RBFOX1: variants seen among roughly 807,000 people sequenced by gnomAD.
RBFOX1 encodes RNA binding protein fox-1 homolog 1.
RBFOX1 carries 8 observed loss-of-function variants against 57.7 expected under a neutral mutation model. The observed-to-expected ratio is 0.14, with a 90% CI of 0.08 to 0.25. The LOEUF (loss-of-function observed/expected upper bound fraction) is 0.25. Ranked by LOEUF, RBFOX1 falls within the 10% of genes least tolerant of loss-of-function variation. The probability of loss-of-function intolerance (pLI) is 1.00; values close to 1 mark genes in which losing one functional copy is unlikely to be tolerated. For synonymous variants in RBFOX1, 326 were observed against 222.4 expected, an observed-to-expected ratio of 1.47 and a Z score of -4.15; for missense variants, 611 against 548.5, an observed-to-expected ratio of 1.11 and a Z score of -1.14.
At chr16:6,917,449 G>C (rs550641722) in intron 3 of RBFOX1, among the ~76,000 whole-genome samples, 43 of 152,300 alleles carry the variant, frequency 2.8e-4, no homozygotes, top group Middle Eastern at 3.4e-3. Flanking sequence ...TGTTTCATTT[G>C]GGGAATACAT....
At chr16:6,670,243 A>T (rs1375458203) in intron 3 of RBFOX1, among the ~76,000 whole-genome samples, 3 of 151,068 alleles carry the variant, frequency 2.0e-5, no homozygotes, top group Admixed American at 6.6e-5. Flanking sequence ...TTTTTTTTTT[A>T]ATTTTTGTAG....
intron 4 of RBFOX1, among the ~76,000 whole-genome samples, chr16:7,104,775 A>T (rs1291303723): frequency 6.6e-6 from 1 of 152,132 alleles, no homozygotes; most frequent in African/African-American, 2.4e-5. Flanking sequence ...GTATTGCTCT[A>T]CCTTTTTTGT....
chr16:6,422,469 T>TA (rs1380778215), intron 2 of RBFOX1, among the ~76,000 whole-genome samples: 1 of 152,036 alleles, frequency 6.6e-6, no homozygotes, highest in African/African-American at 2.4e-5. Flanking sequence ...TCACTTGTAT[T>TA]AGTCCATTCT....
At position 6,903,138 on chromosome 16, in the gene RBFOX1, C is replaced by T. The variant is rs567664096; in HGVS notation, c.-15-148919C>T. On this transcript the variant is annotated intron_variant, in intron 3 of 15. Transcript: ENST00000550418. ...GCGATTCTGAAGCCATCATAAGTGA[C>T]TTCACTTGTTGAAGAAGGGGAGGAG... Among the ~76,000 whole-genome samples the T allele has an allele frequency of 2.0e-5, 3 of 152,254 alleles. No homozygotes were observed. In the South Asian group the frequency reaches 6.2e-4, roughly 32 times the overall value.
chr16:6,884,245 G>A (rs185916831), intron 3 of RBFOX1, among the ~76,000 whole-genome samples: 20 of 152,262 alleles, frequency 1.3e-4, no homozygotes, highest in Admixed American at 5.9e-4. Flanking sequence ...GACCCAGGGA[G>A]CGTGGCAATA....
chr16:7,386,087 C>T (rs1466211701), intron 4 of RBFOX1, among the ~76,000 whole-genome samples: 1 of 151,986 alleles, frequency 6.6e-6, no homozygotes, highest in Non-Finnish European at 1.5e-5. Context: ...CCATGCCCAG[C>T]CAGCTTTTAA....
At chr16:5,451,817 A>G (rs898209483) in intron 1 of RBFOX1, among the ~76,000 whole-genome samples, 1 of 152,028 alleles carries the variant, frequency 6.6e-6, no homozygotes, top group Non-Finnish European at 1.5e-5. Flanking sequence ...AGCCCTTTCA[A>G]GTTTTACTTT....
At chr16:6,840,528 A>G (rs9889125) in intron 3 of RBFOX1, among the ~76,000 whole-genome samples, 79,176 of 151,886 alleles carry the variant, frequency 0.52, 22,198 homozygotes, top group East Asian at 0.87. Context: ...AGTATTAGAA[A>G]ATGGGATCTT....
At chr16:5,341,654 T>C (rs1013534319) in intron 1 of RBFOX1, among the ~76,000 whole-genome samples, 1 of 152,188 alleles carries the variant, frequency 6.6e-6, no homozygotes, top group African/African-American at 2.4e-5. Flanking sequence ...GCTTTTGCCA[T>C]CTTGAAATAA....
intron 3 of RBFOX1, among the ~76,000 whole-genome samples, chr16:6,851,028 C>T (rs757656201): frequency 6.6e-6 from 1 of 152,138 alleles, no homozygotes; most frequent in African/African-American, 2.4e-5. Flanking sequence ...CTGTGGAATA[C>T]TATGTAGCAA....
intron 3 of RBFOX1, among the ~76,000 whole-genome samples, chr16:6,938,404 C>T (rs914637854): frequency 1.3e-5 from 2 of 152,080 alleles, no homozygotes; most frequent in Non-Finnish European, 2.9e-5. Context: ...TAGTAAGGGT[C>T]GGAAAAATGT....
chr16:7,336,091 T>C (rs1233899534), intron 4 of RBFOX1, among the ~76,000 whole-genome samples: 1 of 152,216 alleles, frequency 6.6e-6, no homozygotes, highest in African/African-American at 2.4e-5. Context: ...TATTTCTGAA[T>C]TTCTAGTGAT....
rs549922692 is a variant in RBFOX1, at chr16:7,047,057, T to C, written c.-15-5000T>C. Among the ~76,000 whole-genome samples the C allele has an allele frequency of 1.4e-3, 206 of 151,856 alleles. 6 individuals are homozygous for C. Among genetic ancestry groups the C allele is most frequent in the African/African-American group, 4.8e-3 (199 of 41,450 alleles). On this transcript the variant is annotated intron_variant, in intron 3 of 15. Transcript: ENST00000550418. ...TCTTCATGCAATTTCCTTTTTTTTT[T>C]TTTTTGCTTTAAGCCATTAAACATA...
chr16:7,620,847 T>C (rs1349153962), intron 10 of RBFOX1, among the ~76,000 whole-genome samples: 10 of 152,216 alleles, frequency 6.6e-5, no homozygotes, highest in African/African-American at 2.4e-4. Context: ...TGAGCTTTCA[T>C]TTCCTCTTGG....
chr16:7,679,315 G>A lies in RBFOX1; in HGVS notation c.995+2477G>A, dbSNP rs539576296. ...GTACCTATAATTTCTCTCAGAAGTAGCAATTGTGTAACCAATTATTTTTAT... is the reference window on the plus strand; with the variant it reads ...GTACCTATAATTTCTCTCAGAAGTAACAATTGTGTAACCAATTATTTTTAT... On this transcript the variant is annotated intron_variant, in intron 14 of 15. Coordinates refer to ENST00000550418, the MANE Select transcript of RBFOX1 (RefSeq NM_018723.4). Among the ~76,000 whole-genome samples the A allele has an allele frequency of 2.6e-5, 4 of 152,280 alleles. No homozygotes were observed. The South Asian group carries it at 8.3e-4, about 32-fold the overall frequency.
intron 4 of RBFOX1, among the ~76,000 whole-genome samples, chr16:7,435,120 C>A (rs911918463): frequency 6.6e-6 from 1 of 152,012 alleles, no homozygotes; most frequent in Non-Finnish European, 1.5e-5. Context: ...ATTCAGATTT[C>A]CTTAGTTTTT....
In RBFOX1 at chr16:6,131,608, G is replaced by A. The variant is rs139032380; in HGVS notation, c.-127+111616G>A. Among the ~76,000 whole-genome samples, 134 of 152,308 alleles carry A rather than the reference G, an allele frequency of 8.8e-4. No homozygotes were observed. In the Middle Eastern group the frequency reaches 0.02, roughly 23 times the overall value. Reference sequence around the variant, plus strand: ...TTATAAAACTGTGTGGACAGAAGTTGCGGAATTGCTCCTTTCAAGATTCAC... The same window carrying A: ...TTATAAAACTGTGTGGACAGAAGTTACGGAATTGCTCCTTTCAAGATTCAC... On this transcript the variant is annotated intron_variant, in intron 1 of 15. Coordinates refer to ENST00000550418, the MANE Select transcript of RBFOX1 (RefSeq NM_018723.4).
chr16:6,655,369 G>A (rs1281777441), intron 3 of RBFOX1, among the ~76,000 whole-genome samples: 5 of 14,944 alleles, frequency 3.3e-4, no homozygotes, highest in South Asian at 4.7e-3. Context: ...ATAAGCCTCC[G>A]TTTCAAAAAA....
At chr16:5,885,687 C>T (rs747526067) in intron 4 of RBFOX1, among the ~76,000 whole-genome samples, 8 of 152,226 alleles carry the variant, frequency 5.3e-5, no homozygotes, top group Non-Finnish European at 8.8e-5. Context: ...CTTGTATGGA[C>T]GCCAAAATAA....
Sources: allele counts gnomAD v4.1 joint callset (sites outside exome capture counted in the v4.1 genomes callset), GRCh38; gene constraint gnomAD v4.1.1; transcripts MANE v1.5; gene names NCBI Gene and HGNC (gene_info 2026-07-23, HGNC 2026-07-21).